MICU3: variants seen among roughly 807,000 people sequenced by gnomAD.
MICU3 encodes the protein mitochondrial calcium uptake 3.
MICU3 carries 62 observed loss-of-function variants against 66.5 expected under a neutral mutation model. That is an observed-to-expected ratio of 0.93 (90% CI 0.76 to 1.15). The LOEUF (loss-of-function observed/expected upper bound fraction) is 1.15, where lower values mean the gene tolerates loss of function less well. Ranked by LOEUF, MICU3 falls within the 50% of genes most tolerant of loss-of-function variation. The pLI, the probability that MICU3 is intolerant of heterozygous loss-of-function variation, is 0.00. For synonymous variants in MICU3, 308 were observed against 240.7 expected (o/e 1.28, Z -2.59); for missense variants, 779 against 664.4 (o/e 1.17, Z -1.90).
Position 17,083,990 on chromosome 8 carries a change from G to A in MICU3, c.695-1246G>A, listed in dbSNP as rs138587543. Among the ~76,000 whole-genome samples, 1,298 of 152,196 alleles carry A rather than the reference G, an allele frequency of 8.5e-3. 14 individuals are homozygous for A. Among genetic ancestry groups the A allele is most frequent in the African/African-American group, 0.029 (1,224 of 41,546 alleles). On this transcript the variant is annotated intron_variant, in intron 5 of 14. Coordinates refer to ENST00000318063, the MANE Select transcript of MICU3 (RefSeq NM_181723.3). Reference sequence around the variant, plus strand: ...TACATAGTGCGTTTTGGCACAGAAAGGTTAGGATCTTTGGGTGCTGTGAAG... The same window carrying A: ...TACATAGTGCGTTTTGGCACAGAAAAGTTAGGATCTTTGGGTGCTGTGAAG...
At chr8:17,077,725 G>C (rs10098337) in intron 3 of MICU3, 58 bp from the exon 4 acceptor site, 289,913 of 1,180,806 alleles carry the variant, frequency 0.25, 39,913 homozygotes, top group East Asian at 0.47. Flanking sequence ...ACATGTTTTT[G>C]ATCTATTTTA....
At chr8:17,134,812 C>G in the MICU3 span, among the ~76,000 whole-genome samples, 2 of 152,106 alleles carry the variant, frequency 1.3e-5, no homozygotes, top group African/African-American at 4.8e-5. Flanking sequence ...TCAGGGATAG[C>G]AATCTGCTTT....
intron 9 of MICU3, among the ~76,000 whole-genome samples, chr8:17,103,228 C>T (rs1801428695): frequency 1.3e-5 from 2 of 151,708 alleles, no homozygotes; most frequent in Non-Finnish European, 2.9e-5. Context: ...TTATGAAGGA[C>T]AAAATTGCCA....
intron 11 of MICU3, among the ~76,000 whole-genome samples, chr8:17,112,770 C>A (rs865851779): frequency 6.6e-6 from 1 of 152,108 alleles, no homozygotes; most frequent in African/African-American, 2.4e-5. Context: ...TGTTTTACTC[C>A]TACTAACAGT....
intron 1 of MICU3, among the ~76,000 whole-genome samples, chr8:17,039,105 G>A (rs1011691136): frequency 6.6e-6 from 1 of 152,090 alleles, no homozygotes; most frequent in East Asian, 1.9e-4. Flanking sequence ...TTTGCTGAAG[G>A]CTCAGATGAT....
At chr8:17,041,859 A>G (rs575466522) in intron 1 of MICU3, among the ~76,000 whole-genome samples, 10 of 152,160 alleles carry the variant, frequency 6.6e-5, no homozygotes, top group Non-Finnish European at 1.5e-4. Flanking sequence ...GATGGCTTCT[A>G]TATTCTCTGT....
At chr8:17,115,002 C>T (rs1585566709) in intron 12 of MICU3, among the ~76,000 whole-genome samples, 1 of 151,064 alleles carries the variant, frequency 6.6e-6, no homozygotes, top group East Asian at 1.9e-4. Context: ...GCCTGTAGTC[C>T]CAGCTACTTG....
chr8:17,098,430 T>C (rs1800956071), intron 8 of MICU3, 28 bp from the exon 9 acceptor site: 1 of 1,329,654 alleles, frequency 7.5e-7, no homozygotes, highest in Non-Finnish European at 1.1e-6. Flanking sequence ...TCTTTAGATT[T>C]CAGTTGTGCT....
intron 1 of MICU3, among the ~76,000 whole-genome samples, chr8:17,036,096 G>C (rs1401574722): frequency 6.6e-6 from 1 of 152,128 alleles, no homozygotes; most frequent in Non-Finnish European, 1.5e-5. Context: ...TCTGGAGTCT[G>C]TCCCTTCTGA....
At chr8:17,063,274 T>C (rs760215117) in intron 1 of MICU3, among the ~76,000 whole-genome samples, 5 of 152,174 alleles carry the variant, frequency 3.3e-5, no homozygotes, top group Non-Finnish European at 5.9e-5. Context: ...GCCCTGATAA[T>C]TGATAAGTGA....
chr8:17,105,031 A>C (rs993991330), intron 10 of MICU3, among the ~76,000 whole-genome samples: 4 of 150,758 alleles, frequency 2.7e-5, no homozygotes, highest in Non-Finnish European at 5.9e-5. Flanking sequence ...AAAATTCCAG[A>C]TATCTGGATT....
At chr8:17,128,663 T>G in the MICU3 span, among the ~76,000 whole-genome samples, 1 of 152,138 alleles carries the variant, frequency 6.6e-6, no homozygotes, top group Admixed American at 6.5e-5. Context: ...CCTTGATCCT[T>G]GAAAGAAGGG....
At chr8:17,118,134 A>C (rs1802862084) in intron 13 of MICU3, among the ~76,000 whole-genome samples, 2 of 152,182 alleles carry the variant, frequency 1.3e-5, no homozygotes, top group Admixed American at 1.3e-4. Flanking sequence ...CAAAAATTTT[A>C]GAGGAGCAAG....
chr8:17,047,344 T>C (rs1421950305), intron 1 of MICU3, among the ~76,000 whole-genome samples: 1 of 152,158 alleles, frequency 6.6e-6, no homozygotes, highest in Non-Finnish European at 1.5e-5. Flanking sequence ...ATGTCAAATA[T>C]TATGAAATAT....
intron 3 of MICU3, among the ~76,000 whole-genome samples, chr8:17,075,768 C>G (rs1336489696): frequency 6.6e-6 from 1 of 152,042 alleles, no homozygotes; most frequent in African/African-American, 2.4e-5. Flanking sequence ...CTTTAAGTCT[C>G]AGTAAAATAT....
intron 1 of MICU3, among the ~76,000 whole-genome samples, chr8:17,063,070 A>G (rs1021177803): frequency 1.3e-5 from 2 of 152,212 alleles, no homozygotes; most frequent in African/African-American, 4.8e-5. Context: ...ATGGTCTTCT[A>G]CAGGAATAGT....
chr8:17,083,466 A>T (rs960113205), intron 5 of MICU3, among the ~76,000 whole-genome samples: 23 of 152,010 alleles, frequency 1.5e-4, no homozygotes, highest in African/African-American at 5.6e-4. Flanking sequence ...AAGAGCGCTT[A>T]TCATCTTTCT....
chr8:17,069,677 G>C lies in MICU3; in HGVS notation c.536-11G>C, dbSNP rs778053188. ...TTTATTATCTAATTATCTTACATTT[G>C]TTTATTTTAGTTGCCAAAACTTGGA... On this transcript the variant is annotated splice_polypyrimidine_tract_variant and intron_variant, in intron 2 of 14. Coordinates refer to ENST00000318063, the MANE Select transcript of MICU3 (RefSeq NM_181723.3). The C allele has an allele frequency of 1.8e-5, 27 of 1,500,322 alleles. No homozygotes were observed. The East Asian group carries it at 6.2e-4, about 34-fold the overall frequency. 92.9% of individuals were successfully genotyped at this position (1,500,322 alleles called of 1,614,324 possible).
At chr8:17,048,428 C>T (rs541042826) in intron 1 of MICU3, among the ~76,000 whole-genome samples, 16 of 152,242 alleles carry the variant, frequency 1.1e-4, no homozygotes, top group Admixed American at 3.9e-4. Flanking sequence ...TGCGGGGGAA[C>T]GCCCCTTTAT....
Sources: allele counts gnomAD v4.1 joint callset (sites outside exome capture counted in the v4.1 genomes callset), GRCh38; gene constraint gnomAD v4.1.1; transcripts MANE v1.5; gene names NCBI Gene and HGNC (gene_info 2026-07-23, HGNC 2026-07-21).